Variants in SLC44A5 observed in about 807,000 individuals in gnomAD.
The protein encoded by SLC44A5 is solute carrier family 44 member 5.
Under a neutral mutation model 101.8 loss-of-function variants are expected in SLC44A5, and 57 were observed. That is an observed-to-expected ratio of 0.56 (90% confidence interval 0.45 to 0.70). The LOEUF (loss-of-function observed/expected upper bound fraction) is 0.70, where lower values mean the gene tolerates loss of function less well. SLC44A5 is among the 30% of genes least tolerant of loss of function. SLC44A5 has a pLI of 0.00. For missense variants in SLC44A5, 737 were observed against 853.1 expected (o/e 0.86, Z 1.70); for synonymous variants, 281 against 290.9 (o/e 0.97, Z 0.35).
chr1:75,402,511 T>C (rs1320133751), intron 2 of SLC44A5: 1 of 317,312 alleles, frequency 3.2e-6, no homozygotes, highest in East Asian at 9.8e-5. Flanking sequence ...AGGGACTGGT[T>C]AGACAATGGG....
chr1:75,447,626 A>C (rs902817865), intron 2 of SLC44A5, among the ~76,000 whole-genome samples: 1 of 152,062 alleles, frequency 6.6e-6, no homozygotes, highest in South Asian at 2.1e-4. Flanking sequence ...AGAGCATGTA[A>C]ACCCTTCTTA....
At position 75,310,117 on chromosome 1, in the gene SLC44A5, C is replaced by G. The variant is rs147388428; in HGVS notation, c.102-9432G>C. On this transcript the variant is annotated intron_variant, in intron 4 of 23. Transcript: ENST00000370859. ...CATGTAATAAAGTTTAAATTTGTAC[C>G]TAGGTGATGTATCTGTTAAGAATTT... Among the ~76,000 whole-genome samples the G allele has an allele frequency of 6.9e-3, 1,055 of 152,114 alleles. 16 individuals are homozygous for G. The highest frequency in any genetic ancestry group is 0.024 in the African/African-American group (983 of 41,492).
chr1:75,315,226 GGATTGGATTA>G (rs1655602416), intron 4 of SLC44A5, among the ~76,000 whole-genome samples: 1 of 151,944 alleles, frequency 6.6e-6, no homozygotes, highest in Non-Finnish European at 1.5e-5. Flanking sequence ...ACTTTGACAT[GGATTGGATTA>G]TAAATTATTA....
At chr1:75,655,682 C>T in the SLC44A5 span, among the ~76,000 whole-genome samples, 11,665 of 152,030 alleles carry the variant, frequency 0.077, 1,514 homozygotes, top group African/African-American at 0.27. Flanking sequence ...GGGAAGAGTA[C>T]AAGAAATTTT....
chr1:75,684,610 A>G, the SLC44A5 span, among the ~76,000 whole-genome samples: 1 of 152,190 alleles, frequency 6.6e-6, no homozygotes, highest in Non-Finnish European at 1.5e-5. Flanking sequence ...AGGGTATTCA[A>G]ATCTTAAAGC....
At chr1:75,647,547 C>T in the SLC44A5 span, among the ~76,000 whole-genome samples, 1 of 152,176 alleles carries the variant, frequency 6.6e-6, no homozygotes, top group Admixed American at 6.5e-5. Context: ...GGAAAAGCCA[C>T]AGATACTTAA....
At chr1:75,461,528 C>G (rs1366860517) in intron 2 of SLC44A5, among the ~76,000 whole-genome samples, 3 of 152,102 alleles carry the variant, frequency 2.0e-5, no homozygotes, top group Admixed American at 6.6e-5. Context: ...AACCAAGTCA[C>G]CAAATTTTGC....
the SLC44A5 span, among the ~76,000 whole-genome samples, chr1:75,630,281 A>C: frequency 6.6e-6 from 1 of 152,004 alleles, no homozygotes; most frequent in Non-Finnish European, 1.5e-5. Context: ...TCTGGGGTCC[A>C]CCTCTCAGTT....
chr1:75,399,515 C>A (rs72986719), intron 2 of SLC44A5, among the ~76,000 whole-genome samples: 5 of 152,172 alleles, frequency 3.3e-5, no homozygotes, highest in Non-Finnish European at 7.4e-5. Context: ...CTACCAGATG[C>A]AAGGTCTGGC....
chr1:75,384,212 A>C (rs550898667), intron 3 of SLC44A5, among the ~76,000 whole-genome samples: 2 of 152,320 alleles, frequency 1.3e-5, no homozygotes, highest in South Asian at 4.1e-4. Context: ...AACAATATTA[A>C]CTTTACATGT....
At chr1:75,322,916 C>T (rs993698598) in intron 4 of SLC44A5, among the ~76,000 whole-genome samples, 1 of 152,140 alleles carries the variant, frequency 6.6e-6, no homozygotes. Context: ...AAATAGGAGA[C>T]TGAACCAAAT....
chr1:75,302,104 G>GTTTTTTTTTTTTTTTATTTT (rs1204998592), intron 4 of SLC44A5, among the ~76,000 whole-genome samples: 1 of 49,590 alleles, frequency 2.0e-5, no homozygotes, highest in Non-Finnish European at 3.4e-5. Flanking sequence ...AGGTGCTCTA[G>GTTTTTTTTTTTTTTTATTTT]TTTTTTTGTT....
At chr1:75,350,504 G>A (rs1213316867) in intron 3 of SLC44A5, among the ~76,000 whole-genome samples, 1 of 150,514 alleles carries the variant, frequency 6.6e-6, no homozygotes, top group Non-Finnish European at 1.5e-5. Context: ...CAACAGAAAG[G>A]GACAAAATAT....
At chr1:75,497,723 A>G (rs916062419) in intron 2 of SLC44A5, among the ~76,000 whole-genome samples, 1 of 152,124 alleles carries the variant, frequency 6.6e-6, no homozygotes, top group Non-Finnish European at 1.5e-5. Context: ...TTTCTTTTGT[A>G]TATGTATATC....
chr1:75,650,269 T>C, the SLC44A5 span, among the ~76,000 whole-genome samples: 1 of 152,318 alleles, frequency 6.6e-6, no homozygotes, highest in South Asian at 2.1e-4. Flanking sequence ...AGCAAAAACA[T>C]GCACATGCAG....
the SLC44A5 span, among the ~76,000 whole-genome samples, chr1:75,643,110 A>G: frequency 6.6e-6 from 1 of 152,190 alleles, no homozygotes; most frequent in Non-Finnish European, 1.5e-5. Flanking sequence ...TTATAAAATT[A>G]TCATTCAACC....
intron 2 of SLC44A5, among the ~76,000 whole-genome samples, chr1:75,511,057 G>T (rs1306484038): frequency 6.6e-6 from 1 of 152,080 alleles, no homozygotes; most frequent in Admixed American, 6.6e-5. Flanking sequence ...GCAGGAGAAT[G>T]ACGTGAACCT....
chr1:75,620,384 T>C, the SLC44A5 span, among the ~76,000 whole-genome samples: 1 of 152,198 alleles, frequency 6.6e-6, no homozygotes, highest in Non-Finnish European at 1.5e-5. Flanking sequence ...GTATTTCTGA[T>C]TCTAGATCCT....
chr1:75,658,888 C>G, the SLC44A5 span, among the ~76,000 whole-genome samples: 1 of 151,700 alleles, frequency 6.6e-6, no homozygotes, highest in Non-Finnish European at 1.5e-5. Flanking sequence ...TTTAGACTAA[C>G]AAAAACTAAA....
Sources: allele counts gnomAD v4.1 joint callset (sites outside exome capture counted in the v4.1 genomes callset), GRCh38; gene constraint gnomAD v4.1.1; transcripts MANE v1.5; gene names NCBI Gene and HGNC (gene_info 2026-07-23, HGNC 2026-07-21).